The following DFFB variants were observed in gnomAD, a reference collection of about 807,000 sequenced individuals.
The protein encoded by DFFB is DNA fragmentation factor 40 kDa subunit.
DFFB carries 29 observed loss-of-function variants against 32.7 expected under a neutral mutation model. That is an observed-to-expected ratio of 0.89 (90% CI 0.66 to 1.21). DFFB has a LOEUF of 1.21. Ranked by LOEUF, DFFB falls within the 50% of genes most tolerant of loss-of-function variation. The probability of loss-of-function intolerance (pLI) is 0.00; values close to 1 mark genes in which losing one functional copy is unlikely to be tolerated. For missense variants in DFFB, 398 were observed against 440.6 expected, an observed-to-expected ratio of 0.90 and a Z score of 0.87; for synonymous variants, 170 against 177.1, an observed-to-expected ratio of 0.96 and a Z score of 0.32.
At chr1:3,870,708 G>A (rs1033965823) in intron 5 of DFFB, among the ~76,000 whole-genome samples, 3 of 152,150 alleles carry the variant, frequency 2.0e-5, no homozygotes, top group Admixed American at 6.5e-5. Context: ...CAGCATCCTG[G>A]GAGCCAGGGC....
At chr1:3,883,395 G>T (rs754403373) in intron 6 of DFFB, 112 bp from the exon 7 acceptor site, 3 of 1,003,066 alleles carry the variant, frequency 3.0e-6, no homozygotes, top group Non-Finnish European at 4.4e-6. Flanking sequence ...CCGTGTGTCC[G>T]TGATAGCACT....
intron 6 of DFFB, among the ~76,000 whole-genome samples, chr1:3,883,135 C>G (rs1212459532): frequency 6.6e-6 from 1 of 152,028 alleles, no homozygotes; most frequent in East Asian, 1.9e-4. Context: ...TCCCAAGTAG[C>G]TGGGATAACA....
chr1:3,882,656 C>T (rs551994355), intron 6 of DFFB, among the ~76,000 whole-genome samples: 17 of 152,146 alleles, frequency 1.1e-4, no homozygotes, highest in South Asian at 4.1e-4. Context: ...TGAGCCACTG[C>T]GCCTGGCCTC....
intron 6 of DFFB, among the ~76,000 whole-genome samples, chr1:3,874,795 G>A (rs1570933671): frequency 6.7e-6 from 1 of 149,704 alleles, no homozygotes; most frequent in African/African-American, 2.5e-5. Flanking sequence ...GTCTACATAC[G>A]TGGCCTCCCA....
intron 4 of DFFB, among the ~76,000 whole-genome samples, chr1:3,869,366 T>C (rs1645063432): frequency 6.6e-6 from 1 of 152,212 alleles, no homozygotes; most frequent in Non-Finnish European, 1.5e-5. Flanking sequence ...CAGCCTGTTA[T>C]CTCATCTAAG....
rs2124731574 is a variant in DFFB at position 3,863,892 on chromosome 1, G to A, written c.242-1920G>A. On this transcript the variant is annotated intron_variant, in intron 2 of 6. Transcript: ENST00000378209. ...GGTTTCTTTTTGAGGTGGTGAAAAT[G>A]TTCTGAAATTGACTGTGGATGTGGC... Among the ~76,000 whole-genome samples, 2 of 152,266 alleles carry A rather than the reference G, an allele frequency of 1.3e-5. 1 individual carries two copies. Among genetic ancestry groups the A allele is most frequent in the South Asian group, 4.1e-4 (2 of 4,824 alleles).
Position 3,865,639 on chromosome 1 carries a change from C to T in DFFB, c.242-173C>T, listed in dbSNP as rs1170424718. The T allele has an allele frequency of 1.0e-5, 10 of 962,502 alleles. No homozygotes were observed. Among genetic ancestry groups the T allele is most frequent in the Non-Finnish European group, 1.5e-5 (9 of 595,698 alleles). 59.6% of individuals were successfully genotyped at this position (962,502 alleles called of 1,614,324 possible). The stretch of plus-strand genomic sequence containing the variant: ...CTCATGCCGCCCTTGTGCGTGGTCC[C>T]CAGCTGTTGGTGTCAGGGCAAGGAC... On this transcript the variant is annotated intron_variant, in intron 2 of 6. Transcript: ENST00000378209. The surrounding 1 kb of genome is among the most constrained non-coding windows in gnomAD (Gnocchi z 4.7).
intron 6 of DFFB, among the ~76,000 whole-genome samples, chr1:3,876,273 G>T (rs1366737993): frequency 1.3e-5 from 2 of 152,202 alleles, no homozygotes; most frequent in African/African-American, 4.8e-5. Context: ...CAAGACCATT[G>T]CAGGTGGGGA....
intron 2 of DFFB, among the ~76,000 whole-genome samples, chr1:3,861,153 CAA>C (rs56961503): frequency 5.7e-5 from 7 of 122,930 alleles, no homozygotes; most frequent in Admixed American, 8.4e-5. Flanking sequence ...GACTCCATCT[CAA>C]AAAAAAAAAA....
At chr1:3,881,573 G>A (rs1162712393) in intron 6 of DFFB, among the ~76,000 whole-genome samples, 1 of 152,184 alleles carries the variant, frequency 6.6e-6, no homozygotes, top group Non-Finnish European at 1.5e-5. Flanking sequence ...TCTCAACTAA[G>A]TATTTTAACA....
At position 3,865,596 on chromosome 1, in the gene DFFB, G is replaced by GC. The variant is rs1034526303; in HGVS notation, c.242-212dup. 2.3e-5 allele frequency: 16 copies of GC among 700,564 alleles called. No homozygotes were observed. The highest frequency in any genetic ancestry group is 3.6e-5 in the Non-Finnish European group (14 of 390,348). The allele number at this position is 700,564 out of a possible 1,614,324, so 43.4% of individuals were successfully genotyped here. A position where few individuals can be genotyped will look rare whatever the true frequency, so the allele number is the denominator to read the frequency against. ...TCATCTGTCCTCTAAAGCACACCCT[G>GC]CCCCTCCCTCCTCTGTCCTCATGCC... On this transcript the variant is annotated intron_variant, in intron 2 of 6. Transcript: ENST00000378209. This position sits in a 1 kb window ranked among gnomAD's most constrained non-coding sequence, Gnocchi z 4.7.
chr1:3,858,923 C>G, intron 2 of DFFB, 79 bp downstream of exon 2: 1 of 1,575,754 alleles, frequency 6.3e-7, no homozygotes, highest in Non-Finnish European at 8.6e-7. Flanking sequence ...AGGTGCCCAT[C>G]AGGGTGGGGA....
chr1:3,868,859 C>G (rs34874218), intron 4 of DFFB, among the ~76,000 whole-genome samples: 13,833 of 152,302 alleles, frequency 0.091, 824 homozygotes, highest in Non-Finnish European at 0.13. Flanking sequence ...GGCACAATTG[C>G]TAATGCTGCA....
chr1:3,866,077 GC>G, intron 3 of DFFB, 77 bp downstream of exon 3: 2 of 1,286,154 alleles, frequency 1.6e-6, no homozygotes, highest in Non-Finnish European at 2.1e-6. Context: ...ATTCCAAAAA[GC>G]CCCCAGTGAA....
intron 6 of DFFB, 65 bp downstream of exon 6, chr1:3,872,637 T>TGTCCCTGCCGCGGCCCA: frequency 7.0e-7 from 1 of 1,421,508 alleles, no homozygotes; most frequent in Non-Finnish European, 9.9e-7. Context: ...GCCGTGGCCC[T>TGTCCCTGCCGCGGCCCA]GTCCCTGCCA....
chr1:3,866,960 A>G (rs1644995307), intron 3 of DFFB, among the ~76,000 whole-genome samples: 1 of 152,010 alleles, frequency 6.6e-6, no homozygotes, highest in South Asian at 2.1e-4. Flanking sequence ...CAGTGGCGCG[A>G]TCTTGGCTCA....
At chr1:3,875,990 G>A (rs1645214698) in intron 6 of DFFB, among the ~76,000 whole-genome samples, 1 of 152,114 alleles carries the variant, frequency 6.6e-6, no homozygotes, top group African/African-American at 2.4e-5. Context: ...TGTTGGCCAG[G>A]CTGGTCTCAA....
At chr1:3,867,406 A>AG (rs1380982865) in intron 3 of DFFB, among the ~76,000 whole-genome samples, 3 of 152,358 alleles carry the variant, frequency 2.0e-5, no homozygotes, top group African/African-American at 7.2e-5. Flanking sequence ...TGGCCTTGTA[A>AG]GCCCATCAGA....
chr1:3,868,896 C>G (rs985967901), intron 4 of DFFB, among the ~76,000 whole-genome samples: 1 of 152,230 alleles, frequency 6.6e-6, no homozygotes, highest in East Asian at 1.9e-4. Flanking sequence ...TGCATCTCTT[C>G]GAGGTCCTGG....
Sources: gnomAD v4.1 joint callset for allele counts (sites outside exome capture counted in the v4.1 genomes callset) on GRCh38, gnomAD v4.1.1 for gene constraint, Gnocchi (gnomAD v3.1) non-coding constraint, MANE v1.5 for transcripts, NCBI Gene and HGNC (gene_info 2026-07-23, HGNC 2026-07-21) for gene names.